The following CSMD2 variants were observed in gnomAD, a reference collection of about 807,000 sequenced individuals.
CSMD2 encodes the protein CUB and sushi domain-containing protein 2.
A neutral mutation model predicts 398.5 loss-of-function variants in CSMD2; 130 were observed. The ratio of observed to expected loss-of-function variants is 0.33; its 90% CI spans 0.28 to 0.38. CSMD2 has a LOEUF of 0.38. Among genes scored for constraint, CSMD2 ranks in the 10% least tolerant of loss-of-function variants. CSMD2 has a pLI of 1.00. For synonymous variants in CSMD2, 1,828 were observed against 1,908.5 expected (o/e 0.96, Z 1.10); for missense variants, 3,829 against 4,764.9 (o/e 0.80, Z 5.78).
chr1:33,749,189 C>A (rs756870441), intron 13 of CSMD2, among the ~76,000 whole-genome samples: 3 of 151,370 alleles, frequency 2.0e-5, no homozygotes, highest in Admixed American at 6.6e-5. Context: ...GCTCCACCCC[C>A]CCAGGTTCAC....
chr1:33,683,757 T>C (rs1644978186), intron 25 of CSMD2, among the ~76,000 whole-genome samples: 3 of 152,194 alleles, frequency 2.0e-5, no homozygotes, highest in African/African-American at 7.2e-5. Flanking sequence ...ATCCACATCC[T>C]CTCCTTCAAA....
At position 33,533,050 on chromosome 1, in the gene CSMD2, C is replaced by T. The variant is rs775744927; in HGVS notation, c.10171G>A (p.Glu3391Lys). Residue 3391 changes from glutamate (E) to lysine (K), a missense_variant and splice_region_variant, in exon 64 of 71, where the codon GAG becomes AAG. Coordinates refer to ENST00000373381, the MANE Select transcript of CSMD2 (RefSeq NM_001281956.2). This position sits in a 1 kb window ranked among gnomAD's most constrained non-coding sequence, Gnocchi z 4.2. ...SWTGKPPICL[E>K]VRPSGRPINT... is the part of the protein sequence containing the mutation. Reference sequence around the variant, plus strand: ...AGCTTCCCCGAGCAGGCACACTCACCCAGGCAGATGGGCGGCTTGCCTGTC... The same window carrying T: ...AGCTTCCCCGAGCAGGCACACTCACTCAGGCAGATGGGCGGCTTGCCTGTC... 9.3e-6 allele frequency: 15 copies of T among 1,608,634 alleles called. No individual in the cohort carries two copies. The East Asian group carries it at 3.3e-4, about 36-fold the overall frequency.
At chr1:33,802,900 G>A (rs1239388047) in intron 10 of CSMD2, among the ~76,000 whole-genome samples, 2 of 152,016 alleles carry the variant, frequency 1.3e-5, no homozygotes, top group East Asian at 3.9e-4. Context: ...ATGCCCCAAA[G>A]TAACCCCAAA....
intron 4 of CSMD2, among the ~76,000 whole-genome samples, chr1:33,923,005 C>G (rs1349959419): frequency 1.3e-5 from 2 of 152,158 alleles, no homozygotes; most frequent in African/African-American, 2.4e-5. Flanking sequence ...TGTGGAATGA[C>G]TAAATCAAGC....
intron 10 of CSMD2, among the ~76,000 whole-genome samples, chr1:33,800,904 A>G (rs1405210134): frequency 1.3e-5 from 2 of 152,212 alleles, no homozygotes; most frequent in African/African-American, 4.8e-5. Flanking sequence ...CAAACCTCTG[A>G]TCGCAGGTGT....
intron 1 of CSMD2, among the ~76,000 whole-genome samples, chr1:34,130,293 C>T (rs1159295131): frequency 6.7e-6 from 1 of 148,594 alleles, no homozygotes; most frequent in Non-Finnish European, 1.5e-5. Context: ...CAGTGCCATC[C>T]CTGAGCAGGT....
chr1:34,063,704 A>G (rs1654785048), intron 2 of CSMD2, among the ~76,000 whole-genome samples: 1 of 152,042 alleles, frequency 6.6e-6, no homozygotes, highest in African/African-American at 2.4e-5. Flanking sequence ...TGGTGGATCT[A>G]CCATTCTGGG....
intron 15 of CSMD2, among the ~76,000 whole-genome samples, chr1:33,733,387 T>C (rs74990366): frequency 0.016 from 2,477 of 152,312 alleles, 33 homozygotes; most frequent in Middle Eastern, 0.051. Flanking sequence ...AATCAGAATA[T>C]CTGGATTTGA....
At chr1:33,827,664 TG>T (rs11300463) in intron 6 of CSMD2, among the ~76,000 whole-genome samples, 119,553 of 152,154 alleles carry the variant, frequency 0.79, 47,820 homozygotes, top group East Asian at 0.94. Context: ...TTTTTATTCA[TG>T]GGTGTATCCT....
chr1:33,942,475 C>A (rs921146950), intron 3 of CSMD2, among the ~76,000 whole-genome samples: 13 of 152,228 alleles, frequency 8.5e-5, no homozygotes, highest in African/African-American at 2.9e-4. Flanking sequence ...AGGATGCCAC[C>A]CACAACTAGT....
intron 12 of CSMD2, among the ~76,000 whole-genome samples, chr1:33,788,343 A>C (rs1653794305): frequency 6.6e-6 from 1 of 151,850 alleles, no homozygotes; most frequent in African/African-American, 2.4e-5. Context: ...CCCCGTCTCT[A>C]CTAAAAATAC....
chr1:33,527,369 G>A, intron 64 of CSMD2, 111 bp from the exon 65 acceptor site: 1 of 781,656 alleles, frequency 1.3e-6, no homozygotes, highest in Non-Finnish European at 2.0e-6. Flanking sequence ...TTGAGATCTT[G>A]CTTTCCCCTT....
intron 5 of CSMD2, among the ~76,000 whole-genome samples, chr1:33,853,059 T>C (rs1255645776): frequency 6.6e-6 from 1 of 152,216 alleles, no homozygotes; most frequent in East Asian, 1.9e-4. Context: ...TAGGGAATCA[T>C]AAAAAAGGAC....
intron 62 of CSMD2, among the ~76,000 whole-genome samples, chr1:33,536,494 A>G (rs1655798905): frequency 1.3e-5 from 2 of 152,190 alleles, no homozygotes; most frequent in African/African-American, 4.8e-5. Context: ...AAGTGCTGGG[A>G]TTACAGGCGT....
chr1:33,538,245 T>C (rs1045887016), intron 60 of CSMD2, among the ~76,000 whole-genome samples: 10 of 152,238 alleles, frequency 6.6e-5, no homozygotes, highest in Non-Finnish European at 1.5e-4. Flanking sequence ...AGTGAACTTA[T>C]TATTTTTAAA....
intron 12 of CSMD2, among the ~76,000 whole-genome samples, chr1:33,780,918 A>G (rs1250559058): frequency 6.6e-6 from 1 of 152,250 alleles, no homozygotes; most frequent in Non-Finnish European, 1.5e-5. Flanking sequence ...GTGTACTGAA[A>G]ATAACAGAAG....
intron 2 of CSMD2, among the ~76,000 whole-genome samples, chr1:34,087,321 G>A (rs988870349): frequency 6.6e-6 from 1 of 152,026 alleles, no homozygotes; most frequent in African/African-American, 2.4e-5. Flanking sequence ...GTCCTTTGCA[G>A]GGACATGGAT....
At position 33,577,432 on chromosome 1, in the gene CSMD2, C is replaced by A. The variant is rs1211221182; in HGVS notation, c.7440G>T (p.Gln2480His). 6 of 1,613,988 alleles carry A rather than the reference C, an allele frequency of 3.7e-6. No homozygotes were observed. The highest frequency in any genetic ancestry group is 1.3e-5 in the African/African-American group (1 of 74,932). Residue 2480 changes from glutamine (Q) to histidine (H), a missense_variant, in exon 49 of 71, where the codon CAG (glutamine) becomes CAT (histidine). Physicochemically the swap from Gln to His is conservative, Grantham distance 24. Around this residue, in one of 5 missense-constraint regions of CSMD2, gnomAD observed 723 missense variants for 758.6 expected, o/e 0.95. Coordinates refer to ENST00000373381, the MANE Select transcript of CSMD2 (RefSeq NM_001281956.2). ...RAPLHGFILG[Q>H]TSTQPGGSIH... Reference sequence around the variant, plus strand: ...TGGAGCCCCCGGGCTGGGTGCTGGTCTGGCCTAGGATGAAGCCATGGAGTG... The same window carrying A: ...TGGAGCCCCCGGGCTGGGTGCTGGTATGGCCTAGGATGAAGCCATGGAGTG...
At chr1:33,611,888 AT>A (rs1285890624) in intron 40 of CSMD2, among the ~76,000 whole-genome samples, 2 of 152,212 alleles carry the variant, frequency 1.3e-5, no homozygotes, top group African/African-American at 4.8e-5. Flanking sequence ...TTGTTTACTG[AT>A]AAGATTTTTC....
Sources: gnomAD v4.1 joint callset for allele counts (sites outside exome capture counted in the v4.1 genomes callset) on GRCh38, gnomAD v4.1.1 for gene constraint, gnomAD v4.1.1 regional missense constraint, Gnocchi (gnomAD v3.1) non-coding constraint, MANE v1.5 for transcripts, NCBI Gene and HGNC (gene_info 2026-07-23, HGNC 2026-07-21) for gene names.